POLN: variants seen among roughly 807,000 people sequenced by gnomAD.
POLN encodes the protein DNA polymerase N.
Under a neutral mutation model 113.5 loss-of-function variants are expected in POLN, and 108 were observed. That is an observed-to-expected ratio of 0.95 (90% CI 0.81 to 1.12). POLN has a LOEUF of 1.12. Ranked by LOEUF, POLN falls within the 50% of genes most tolerant of loss-of-function variation. POLN has a pLI of 0.00. For synonymous variants in POLN, 386 were observed against 391.5 expected, an observed-to-expected ratio of 0.99 and a Z score of 0.17; for missense variants, 1,097 against 1,077.1, an observed-to-expected ratio of 1.02 and a Z score of -0.26.
At chr4:2,193,564 CA>C (rs1223475362) in intron 6 of POLN, among the ~76,000 whole-genome samples, 1 of 152,136 alleles carries the variant, frequency 6.6e-6, no homozygotes, top group Admixed American at 6.5e-5. Flanking sequence ...GGAAACACCC[CA>C]TTACCTGTAG....
At chr4:2,209,410 T>G (rs1577773617) in intron 4 of POLN, among the ~76,000 whole-genome samples, 1 of 143,724 alleles carries the variant, frequency 7.0e-6, no homozygotes, top group Non-Finnish European at 1.5e-5. Flanking sequence ...ACCTGGAAGG[T>G]GGAGGTTGCA....
intron 7 of POLN, among the ~76,000 whole-genome samples, chr4:2,186,261 C>A (rs907271969): frequency 6.6e-6 from 1 of 152,170 alleles, no homozygotes; most frequent in East Asian, 1.9e-4. Flanking sequence ...CCACAGGAAG[C>A]ATCATGAGTG....
intron 23 of POLN, chr4:2,076,224 A>C (rs1024657077): frequency 1.3e-5 from 2 of 153,640 alleles, no homozygotes; most frequent in Non-Finnish European, 2.9e-5. Flanking sequence ...GTGCAAGCAC[A>C]AGGCGGACGG....
chr4:2,186,455 C>G (rs1229588842), intron 7 of POLN, among the ~76,000 whole-genome samples: 1 of 152,204 alleles, frequency 6.6e-6, no homozygotes, highest in African/African-American at 2.4e-5. Flanking sequence ...CCTTCCCATA[C>G]TGCGAGGTAT....
rs888485061 is a variant in POLN, at chr4:2,089,591, T to C, written c.2066-3847A>G. 59 of 1,018,386 alleles carry C rather than the reference T, an allele frequency of 5.8e-5. No individual in the cohort carries two copies. In the African/African-American group the frequency reaches 7.9e-4, roughly 14 times the overall value. The allele number at this position is 1,018,386 out of a possible 1,614,324, so 63.1% of individuals were successfully genotyped here. A position where few individuals can be genotyped will look rare whatever the true frequency, so the allele number is the denominator to read the frequency against. On this transcript the variant is annotated intron_variant, in intron 20 of 25. Coordinates refer to ENST00000511885, the MANE Select transcript of POLN (RefSeq NM_181808.4). ...ACACTTCCAACTTCAGTTTCTTTACTAGCATTTAAATTATCAACAGTCATA... is the reference window on the plus strand; with the variant it reads ...ACACTTCCAACTTCAGTTTCTTTACCAGCATTTAAATTATCAACAGTCATA...
At chr4:2,238,428 GC>G (rs1577801218) in intron 2 of POLN, among the ~76,000 whole-genome samples, 1 of 143,718 alleles carries the variant, frequency 7.0e-6, no homozygotes, top group African/African-American at 2.6e-5. Flanking sequence ...GGAAAAGGCA[GC>G]AAAAAAACTA....
At chr4:2,081,109 C>T (rs1239749362) in intron 22 of POLN, 73 bp from the exon 23 acceptor site, 14 of 1,609,592 alleles carry the variant, frequency 8.7e-6, no homozygotes, top group Admixed American at 1.7e-5. Flanking sequence ...TCTGCACCAT[C>T]GCCACAGCTC....
chr4:2,170,700 G>A lies in POLN; in HGVS notation c.1533C>T (p.Tyr511=), dbSNP rs768414993. The change falls in exon 13 of 26, where the codon TAC becomes TAT. Residue 511 remains tyrosine, a synonymous_variant. Coordinates refer to ENST00000511885, the MANE Select transcript of POLN (RefSeq NM_181808.4). ...NSLPRTGLQK[Y]PSTSEAVLNA... ...TTACCACTGCTTCTGATGTAGACGG[G>A]TATTTCTGCAACCCCGTTCTGGGGA... 3.7e-6 allele frequency: 6 copies of A among 1,613,970 alleles called. No individual in the cohort carries two copies. The highest frequency in any genetic ancestry group is 2.2e-5 in the East Asian group (1 of 44,888).
chr4:2,158,396 T>A (rs1732492960), intron 14 of POLN, among the ~76,000 whole-genome samples: 1 of 152,004 alleles, frequency 6.6e-6, no homozygotes, highest in Non-Finnish European at 1.5e-5. Context: ...CAGAGAAAGA[T>A]GTCATTCCAC....
At chr4:2,105,059 C>G (rs1165014309) in intron 19 of POLN, among the ~76,000 whole-genome samples, 2 of 152,180 alleles carry the variant, frequency 1.3e-5, no homozygotes, top group Admixed American at 6.5e-5. Context: ...GTCTCAACAA[C>G]CTATTTGGCC....
intron 23 of POLN, chr4:2,080,369 C>A (rs1002037067): frequency 4.6e-6 from 4 of 865,498 alleles, no homozygotes; most frequent in Non-Finnish European, 5.1e-6. Context: ...AGGGCGGAGC[C>A]CCCCCCCACC....
At chr4:2,171,665 C>G (rs1254063799) in intron 11 of POLN, among the ~76,000 whole-genome samples, 1 of 151,934 alleles carries the variant, frequency 6.6e-6, no homozygotes, top group Admixed American at 6.6e-5. Flanking sequence ...TTTGGCCAGG[C>G]ACGGTGGTTC....
At chr4:2,182,757 AAT>A (rs1733174533) in intron 7 of POLN, among the ~76,000 whole-genome samples, 1 of 152,154 alleles carries the variant, frequency 6.6e-6, no homozygotes, top group African/African-American at 2.4e-5. Flanking sequence ...TGGATTAAAC[AAT>A]AGTTTCTTAG....
intron 2 of POLN, chr4:2,241,196 G>T: frequency 2.6e-6 from 1 of 387,860 alleles, no homozygotes; most frequent in East Asian, 5.0e-5. Context: ...CGGGATAAAT[G>T]ACAGGTAGTC....
chr4:2,157,984 C>T (rs1324013458), intron 14 of POLN, 73 bp from the exon 15 acceptor site: 20 of 1,203,810 alleles, frequency 1.7e-5, no homozygotes, highest in South Asian at 4.0e-5. Context: ...AGGAGTCTCG[C>T]TCCATTGCCC....
chr4:2,199,310 A>G (rs1733655377), intron 5 of POLN, among the ~76,000 whole-genome samples: 1 of 152,172 alleles, frequency 6.6e-6, no homozygotes, highest in African/African-American at 2.4e-5. Flanking sequence ...GACATATAAT[A>G]CTCAAGGATT....
rs1263352534 is a variant in POLN, at chr4:2,129,258, T to C, written c.1790-2A>G. On this transcript the variant is annotated splice_acceptor_variant, in intron 17 of 25. Coordinates refer to ENST00000511885, the MANE Select transcript of POLN (RefSeq NM_181808.4). LOFTEE classifies it high-confidence loss of function. ...TCGTGAGAATCTTGTCTTCTTTACC[T>C]GAATTGTTATTTCAAGAGCATTTAG... is the stretch of plus-strand genomic sequence containing the variant. The C allele has an allele frequency of 1.3e-6, 2 of 1,574,434 alleles. No homozygotes were observed. The highest frequency in any genetic ancestry group is 1.4e-5 in the African/African-American group (1 of 74,066).
chr4:2,144,602 GAAATTCCGTTACCTA>G (rs1009785911), intron 16 of POLN, among the ~76,000 whole-genome samples: 4 of 152,066 alleles, frequency 2.6e-5, no homozygotes, highest in African/African-American at 9.7e-5. Context: ...ACTACTGGAG[GAAATTCCGTTACCTA>G]GTGAATATAG....
In POLN at chr4:2,091,188, T is replaced by C. The variant is rs375282990; in HGVS notation, c.2065+4663A>G. On this transcript the variant is annotated intron_variant, in intron 20 of 25. Coordinates refer to ENST00000511885, the MANE Select transcript of POLN (RefSeq NM_181808.4). The stretch of plus-strand genomic sequence containing the variant: ...TTTTCCACAGTTTATAGTTGATCCC[T>C]GTGTGAGGGCTGCTCCAATGGGAGC... 1.2e-4 allele frequency among the ~76,000 whole-genome samples: 19 copies of C among 152,348 alleles called. 1 individual carries two copies. In the East Asian group the frequency reaches 3.7e-3, roughly 29 times the overall value.
Sources: gnomAD v4.1 joint callset for allele counts (sites outside exome capture counted in the v4.1 genomes callset) on GRCh38, gnomAD v4.1.1 for gene constraint, MANE v1.5 for transcripts, NCBI Gene and HGNC (gene_info 2026-07-23, HGNC 2026-07-21) for gene names.